Variants in SAMD5 observed in about 807,000 individuals in gnomAD.
SAMD5 encodes the protein sterile alpha motif domain containing 5.
In SAMD5, 13 loss-of-function variants were observed where a neutral mutation model predicts 11.3. The ratio of observed to expected loss-of-function variants is 1.15; its 90% confidence interval spans 0.75 to 1.83. The LOEUF (loss-of-function observed/expected upper bound fraction) is 1.83. SAMD5 is among the 40% of genes most tolerant of loss of function. The pLI, the probability that SAMD5 is intolerant of heterozygous loss-of-function variation, is 0.00. For missense variants in SAMD5, 255 were observed against 239.1 expected, an observed-to-expected ratio of 1.07 and a Z score of -0.44; for synonymous variants, 129 against 111.3, an observed-to-expected ratio of 1.16 and a Z score of -1.00.
intron 1 of SAMD5, among the ~76,000 whole-genome samples, chr6:147,728,008 C>G (rs1428813339): frequency 6.6e-6 from 1 of 152,102 alleles, no homozygotes; most frequent in Non-Finnish European, 1.5e-5. Context: ...GTGATTGCCT[C>G]TTTATGAAAG....
the SAMD5 span, among the ~76,000 whole-genome samples, chr6:147,878,661 CTA>C: frequency 6.9e-6 from 1 of 145,898 alleles, no homozygotes; most frequent in Non-Finnish European, 1.5e-5. Context: ...ATACATGTAT[CTA>C]TATATCTATA....
chr6:147,580,863 A>G (rs1306360915), intron 1 of SAMD5, among the ~76,000 whole-genome samples: 1 of 151,782 alleles, frequency 6.6e-6, no homozygotes, highest in African/African-American at 2.4e-5. Flanking sequence ...GGAAAGTAGT[A>G]GAGAATGTCA....
At chr6:147,654,451 C>G (rs1489510600) in intron 1 of SAMD5, among the ~76,000 whole-genome samples, 3 of 152,044 alleles carry the variant, frequency 2.0e-5, no homozygotes, top group Non-Finnish European at 4.4e-5. Context: ...TGAAAGGAGC[C>G]CCTGAACAGT....
intron 1 of SAMD5, among the ~76,000 whole-genome samples, chr6:147,702,102 C>T (rs968911050): frequency 6.6e-6 from 1 of 152,084 alleles, no homozygotes; most frequent in Admixed American, 6.5e-5. Context: ...ACCATCATGG[C>T]GGAAGACAAA....
chr6:147,510,670 G>C (rs1280244094), intron 1 of SAMD5, among the ~76,000 whole-genome samples: 1 of 152,230 alleles, frequency 6.6e-6, no homozygotes, highest in African/African-American at 2.4e-5. Flanking sequence ...ACCTAAGGTA[G>C]ATGGGAATAA....
chr6:147,604,795 T>C (rs1211185171), intron 1 of SAMD5, among the ~76,000 whole-genome samples: 1 of 152,350 alleles, frequency 6.6e-6, no homozygotes, highest in East Asian at 1.9e-4. Flanking sequence ...TCTTCTAGAA[T>C]ACCTGCAGTC....
At chr6:147,874,520 G>T in the SAMD5 span, among the ~76,000 whole-genome samples, 1 of 151,780 alleles carries the variant, frequency 6.6e-6, no homozygotes, top group Non-Finnish European at 1.5e-5. Context: ...AGGACAGCCG[G>T]CCCTCCGGCC....
chr6:147,644,405 T>G (rs886260434), intron 1 of SAMD5, among the ~76,000 whole-genome samples: 1 of 152,188 alleles, frequency 6.6e-6, no homozygotes, highest in Non-Finnish European at 1.5e-5. Context: ...ATTTTTGAAG[T>G]CTCTAAAATA....
the SAMD5 span, among the ~76,000 whole-genome samples, chr6:147,751,782 C>A: frequency 6.6e-6 from 1 of 152,146 alleles, no homozygotes; most frequent in South Asian, 2.1e-4. Flanking sequence ...TTCTTAGGAC[C>A]TTTCTTTATT....
intron 1 of SAMD5, among the ~76,000 whole-genome samples, chr6:147,590,296 T>G (rs1444362192): frequency 1.3e-5 from 2 of 152,182 alleles, no homozygotes; most frequent in African/African-American, 2.4e-5. Context: ...AGGAGTAATT[T>G]TATTTACTTA....
intron 1 of SAMD5, among the ~76,000 whole-genome samples, chr6:147,595,818 C>T (rs1789523011): frequency 6.6e-6 from 1 of 152,072 alleles, no homozygotes; most frequent in East Asian, 1.9e-4. Flanking sequence ...AGCCACTGTG[C>T]CCAGTCTAAA....
the SAMD5 span, among the ~76,000 whole-genome samples, chr6:147,916,376 A>C: frequency 6.6e-6 from 1 of 152,142 alleles, no homozygotes; most frequent in African/African-American, 2.4e-5. Context: ...CCAACAGTGT[A>C]AAAGTGTTCC....
intron 1 of SAMD5, among the ~76,000 whole-genome samples, chr6:147,625,881 C>A (rs997218517): frequency 3.3e-5 from 5 of 152,142 alleles, no homozygotes; most frequent in Non-Finnish European, 7.3e-5. Context: ...TAAAAGAACC[C>A]CACTTTGGTT....
At position 147,568,275 on chromosome 6, in the gene SAMD5, A is replaced by G. The variant is rs960269267; in HGVS notation, c.*3819A>G. The G allele has an allele frequency of 1.1e-5, 11 of 985,402 alleles. No individual in the cohort carries two copies. Among genetic ancestry groups the G allele is most frequent in the Non-Finnish European group, 1.3e-5 (11 of 829,896 alleles). The allele number at this position is 985,402 out of a possible 1,614,324, so 61.0% of individuals were successfully genotyped here. On this transcript the variant is annotated 3_prime_UTR_variant, in exon 2 of 2. Coordinates refer to ENST00000367474, the MANE Select transcript of SAMD5 (RefSeq NM_001030060.3). ...CTGGAAAGCACCTGCTTGAAAATTG[A>G]TATGAGCATGTCTGAATTTTTCCCT...
At chr6:147,753,561 C>T in the SAMD5 span, among the ~76,000 whole-genome samples, 2 of 152,072 alleles carry the variant, frequency 1.3e-5, no homozygotes, top group Admixed American at 1.3e-4. Context: ...GAGTTACAAA[C>T]AATCCAATTA....
the SAMD5 span, among the ~76,000 whole-genome samples, chr6:147,825,060 C>T: frequency 2.6e-5 from 4 of 152,036 alleles, no homozygotes; most frequent in African/African-American, 9.7e-5. Flanking sequence ...TTTGGGAGGC[C>T]GAGGTAGGGG....
the SAMD5 span, among the ~76,000 whole-genome samples, chr6:147,934,623 G>A: frequency 1.3e-5 from 2 of 152,084 alleles, no homozygotes; most frequent in African/African-American, 4.8e-5. Flanking sequence ...AGGCAGCAGG[G>A]AACATAACCA....
the SAMD5 span, among the ~76,000 whole-genome samples, chr6:147,887,014 C>A: frequency 9.9e-5 from 15 of 152,174 alleles, no homozygotes; most frequent in South Asian, 2.1e-4. Flanking sequence ...GAGAGCCCAG[C>A]AAAGCAGTGC....
At chr6:147,690,168 A>T (rs1791080004) in intron 1 of SAMD5, among the ~76,000 whole-genome samples, 1 of 152,246 alleles carries the variant, frequency 6.6e-6, no homozygotes, top group South Asian at 2.1e-4. Flanking sequence ...AAGGAAAATT[A>T]GGATATCTAT....
Sources: allele counts gnomAD v4.1 joint callset (sites outside exome capture counted in the v4.1 genomes callset), GRCh38; gene constraint gnomAD v4.1.1; transcripts MANE v1.5; gene names NCBI Gene and HGNC (gene_info 2026-07-23, HGNC 2026-07-21).